SLC16A7: variants seen among roughly 807,000 people sequenced by gnomAD.
SLC16A7 encodes the protein monocarboxylate transporter 2.
A neutral mutation model predicts 34.9 loss-of-function variants in SLC16A7; 33 were observed. That is an observed-to-expected ratio of 0.94 (90% confidence interval 0.72 to 1.26). The LOEUF is 1.26. Ranked by LOEUF, SLC16A7 falls within the 50% of genes most tolerant of loss-of-function variation. The probability of loss-of-function intolerance (pLI) is 0.00; values close to 1 mark genes in which losing one functional copy is unlikely to be tolerated. For synonymous variants in SLC16A7, 201 were observed against 206.6 expected, an observed-to-expected ratio of 0.97 and a Z score of 0.23; for missense variants, 573 against 578.1, an observed-to-expected ratio of 0.99 and a Z score of 0.09.
chr12:59,600,971 T>G (rs1388192534), intron 1 of SLC16A7, among the ~76,000 whole-genome samples: 1 of 152,170 alleles, frequency 6.6e-6, no homozygotes, highest in Non-Finnish European at 1.5e-5. Flanking sequence ...CTAAAGGTAC[T>G]TTCGTTAAGT....
chr12:59,633,644 G>GAA (rs111470290), intron 1 of SLC16A7, among the ~76,000 whole-genome samples: 4 of 142,148 alleles, frequency 2.8e-5, no homozygotes, highest in African/African-American at 1.0e-4. Flanking sequence ...GGTAATTTAT[G>GAA]AAAAAAAAAA....
chr12:59,728,361 T>C (rs1211677443), intron 3 of SLC16A7, among the ~76,000 whole-genome samples: 1 of 152,234 alleles, frequency 6.6e-6, no homozygotes, highest in Non-Finnish European at 1.5e-5. Context: ...TGAGGCCCTA[T>C]TGGCTGTGAG....
At chr12:59,688,949 A>G (rs1871358549) in intron 2 of SLC16A7, among the ~76,000 whole-genome samples, 3 of 152,054 alleles carry the variant, frequency 2.0e-5, no homozygotes, top group Admixed American at 2.0e-4. Context: ...TTATAGTGGT[A>G]TTATATCAAC....
chr12:59,751,297 G>A (rs2711686), intron 3 of SLC16A7, among the ~76,000 whole-genome samples: 18,680 of 152,266 alleles, frequency 0.12, 1,500 homozygotes, highest in African/African-American at 0.22. Flanking sequence ...GAAGCAGGGC[G>A]AGGCATTGCC....
rs1883814713 is a variant in SLC16A7, at chr12:59,789,046, G to A, written c.*9367G>A. 1 of 152,022 alleles carries A rather than the reference G, an allele frequency of 6.6e-6. No individual in the cohort carries two copies. The highest frequency in any genetic ancestry group is 1.5e-5 in the Non-Finnish European group (1 of 67,926). 9.4% of individuals were successfully genotyped at this position (152,022 alleles called of 1,614,324 possible). On this transcript the variant is annotated 3_prime_UTR_variant, in exon 6 of 6. Coordinates refer to ENST00000547379, the MANE Select transcript of SLC16A7 (RefSeq NM_001270623.2). ...GAAACCAAATGTTGAATTTCTCTGT[G>A]AGGGTACTTATTTTGCCTACAGTTT...
chr12:59,782,658 C>A lies in SLC16A7; in HGVS notation c.*2979C>A, dbSNP rs988135091. 1.3e-5 allele frequency: 2 copies of A among 151,626 alleles called. No individual in the cohort carries two copies. The highest frequency in any genetic ancestry group is 4.9e-5 in the African/African-American group (2 of 41,076). The allele number at this position is 151,626 out of a possible 1,614,324, so 9.4% of individuals were successfully genotyped here. The stretch of plus-strand genomic sequence containing the variant: ...ATTTTTTCATTCGTGTTAACTGAGC[C>A]CCCCATATTTTTTACTACTTAACCT... On this transcript the variant is annotated 3_prime_UTR_variant, in exon 6 of 6. Transcript: ENST00000547379.
intron 3 of SLC16A7, among the ~76,000 whole-genome samples, chr12:59,738,339 C>A (rs921027164): frequency 7.2e-5 from 11 of 152,280 alleles, no homozygotes; most frequent in African/African-American, 2.6e-4. Context: ...AAACATAATT[C>A]TTCAAAGCGT....
intron 1 of SLC16A7, among the ~76,000 whole-genome samples, chr12:59,639,780 T>G (rs1299985371): frequency 2.0e-5 from 3 of 152,186 alleles, no homozygotes; most frequent in Non-Finnish European, 4.4e-5. Context: ...TGTCTCATAC[T>G]AAATGAGTGT....
chr12:59,691,918 T>C (rs1269429238), intron 2 of SLC16A7, among the ~76,000 whole-genome samples: 1 of 151,994 alleles, frequency 6.6e-6, no homozygotes, highest in Non-Finnish European at 1.5e-5. Context: ...AGTTGCTTGG[T>C]TAATGGCTTT....
intron 3 of SLC16A7, chr12:59,768,006 T>C (rs1378463841): frequency 5.8e-6 from 2 of 345,994 alleles, no homozygotes; most frequent in Non-Finnish European, 1.1e-5. Flanking sequence ...GAGGAGTTAA[T>C]GGATGCAGCA....
In SLC16A7 at chr12:59,692,627, G is replaced by A. The variant is rs76492096; in HGVS notation, c.-30-12145G>A. On this transcript the variant is annotated intron_variant, in intron 2 of 5. Coordinates refer to ENST00000547379, the MANE Select transcript of SLC16A7 (RefSeq NM_001270623.2). ...AATTCTTCATAGATAATTATATACTGGTTTATATTATTTTTTTCTAACTTG... is the reference window on the plus strand; with the variant it reads ...AATTCTTCATAGATAATTATATACTAGTTTATATTATTTTTTTCTAACTTG... 2.0e-5 allele frequency among the ~76,000 whole-genome samples: 3 copies of A among 151,882 alleles called. No homozygotes were observed. In the East Asian group the frequency reaches 5.8e-4, roughly 29 times the overall value.
intron 1 of SLC16A7, among the ~76,000 whole-genome samples, chr12:59,650,298 A>G (rs756916646): frequency 5.9e-5 from 9 of 152,154 alleles, no homozygotes; most frequent in Non-Finnish European, 1.3e-4. Flanking sequence ...TAAGCATACA[A>G]TTCATCAAAG....
Position 59,714,566 on chromosome 12 carries a change from T to TC in SLC16A7, c.217+9548_217+9549insC, listed in dbSNP as rs372191089. 1.3e-4 allele frequency among the ~76,000 whole-genome samples: 19 copies of TC among 141,500 alleles called. No homozygotes were observed. The South Asian group carries it at 2.4e-3, about 18-fold the overall frequency. The allele number at this position is 141,500 out of a possible 152,430, so 92.8% of individuals were successfully genotyped here. On this transcript the variant is annotated intron_variant, in intron 3 of 5. Coordinates refer to ENST00000547379, the MANE Select transcript of SLC16A7 (RefSeq NM_001270623.2). ...TGGTGTCTTTCTCTCTCTCTCTCTC[T>TC]TTTTTTTTTTCCTTTTGAGATGGAG...
chr12:59,659,492 C>G (rs994447915), intron 2 of SLC16A7, among the ~76,000 whole-genome samples: 1 of 152,064 alleles, frequency 6.6e-6, no homozygotes, highest in Non-Finnish European at 1.5e-5. Context: ...CCTTATTTAT[C>G]CTGGCATCCC....
At chr12:59,735,837 G>C in intron 3 of SLC16A7, 1 of 399,330 alleles carries the variant, frequency 2.5e-6, no homozygotes, top group Non-Finnish European at 3.7e-6. Context: ...ATGTTATGAA[G>C]ATTGCCATAT....
At chr12:59,617,605 G>A (rs928560023) in intron 1 of SLC16A7, among the ~76,000 whole-genome samples, 3 of 152,034 alleles carry the variant, frequency 2.0e-5, no homozygotes, top group African/African-American at 7.2e-5. Flanking sequence ...AATGCATGTC[G>A]AAGTAGGCTC....
At chr12:59,671,310 C>A (rs957213365) in intron 2 of SLC16A7, among the ~76,000 whole-genome samples, 1 of 152,058 alleles carries the variant, frequency 6.6e-6, no homozygotes. Context: ...AGCTTTAGCT[C>A]ATTTATTTTA....
chr12:59,630,078 G>C (rs942221503), intron 1 of SLC16A7, among the ~76,000 whole-genome samples: 9 of 151,842 alleles, frequency 5.9e-5, no homozygotes, highest in Admixed American at 6.6e-5. Context: ...GAACTGGATT[G>C]GCATTGTGGT....
At chr12:59,672,591 G>C (rs1869975625) in intron 2 of SLC16A7, among the ~76,000 whole-genome samples, 1 of 151,712 alleles carries the variant, frequency 6.6e-6, no homozygotes, top group African/African-American at 2.4e-5. Context: ...TCTTCTTGTT[G>C]ATATTATTAT....
Sources: gnomAD v4.1 joint callset for allele counts (sites outside exome capture counted in the v4.1 genomes callset) on GRCh38, gnomAD v4.1.1 for gene constraint, MANE v1.5 for transcripts, NCBI Gene and HGNC (gene_info 2026-07-23, HGNC 2026-07-21) for gene names.